TMEM53: variants seen among roughly 807,000 people sequenced by gnomAD.
TMEM53 encodes the protein novel DUF829 domain-containing protein.
In TMEM53, 14 loss-of-function variants were observed where a neutral mutation model predicts 21.4. The observed-to-expected ratio is 0.65, with a 90% CI of 0.43 to 1.02. The LOEUF (loss-of-function observed/expected upper bound fraction) is 1.02. Among genes scored for constraint, TMEM53 ranks in the 50% least tolerant of loss-of-function variants. The pLI, the probability that TMEM53 is intolerant of heterozygous loss-of-function variation, is 0.00. For synonymous variants in TMEM53, 148 were observed against 157.4 expected (o/e 0.94, Z 0.45); for missense variants, 323 against 383.6 (o/e 0.84, Z 1.32).
At position 44,660,065 on chromosome 1, in the gene TMEM53, C is replaced by T. The variant is rs370018886; in HGVS notation, c.183+109G>A. ...TAGAGACAGGGTTTGACCATGTTGG[C>T]CAGGCTGGTCTCGAACTCTAGAGGC... is the stretch of plus-strand genomic sequence containing the variant. On this transcript the variant is annotated intron_variant, in intron 2 of 2. Transcript: ENST00000372237. 6.6e-6 allele frequency: 9 copies of T among 1,371,006 alleles called. No individual in the cohort carries two copies. In the Admixed American group the frequency reaches 1.4e-4, roughly 22 times the overall value. 84.9% of individuals were successfully genotyped at this position (1,371,006 alleles called of 1,614,324 possible).
At position 44,667,312 on chromosome 1, in the gene TMEM53, G is replaced by GT. The variant is rs1557496603; in HGVS notation, c.61+7018dup. Among the ~76,000 whole-genome samples, 3 of 127,434 alleles carry GT rather than the reference G, an allele frequency of 2.4e-5. 1 individual carries two copies. Among genetic ancestry groups the GT allele is most frequent in the African/African-American group, 1.1e-4 (3 of 27,820 alleles). The allele number at this position is 127,434 out of a possible 152,430, so 83.6% of individuals were successfully genotyped here. A position where few individuals can be genotyped will look rare whatever the true frequency, so the allele number is the denominator to read the frequency against. On this transcript the variant is annotated intron_variant, in intron 1 of 2. Transcript: ENST00000372237. ...TACTACACAAACGCACACTTTTTTT[G>GT]TTGTTTTTTTTTTTTTTGACAGTCT...
chr1:44,662,858 G>A (rs565620338), intron 1 of TMEM53, among the ~76,000 whole-genome samples: 7 of 152,316 alleles, frequency 4.6e-5, no homozygotes, highest in African/African-American at 1.7e-4. Flanking sequence ...GGTTCAAACA[G>A]CTGCTGCTGG....
chr1:44,664,847 G>C lies in TMEM53; in HGVS notation c.62-4552C>G, dbSNP rs146986591. ...ACATAAGAGAAAACTAAAACACAGA[G>C]AGGGGAAGTCCCTTTCCCCCAAGAA... is the stretch of plus-strand genomic sequence containing the variant. On this transcript the variant is annotated intron_variant, in intron 1 of 2. Transcript: ENST00000372237. Among the ~76,000 whole-genome samples the C allele has an allele frequency of 5.3e-3, 800 of 152,170 alleles. 29 individuals are homozygous for C. The South Asian group carries it at 0.093, about 18-fold the overall frequency.
intron 1 of TMEM53, among the ~76,000 whole-genome samples, chr1:44,661,781 C>T (rs1346011713): frequency 6.6e-6 from 1 of 152,238 alleles, no homozygotes; most frequent in Non-Finnish European, 1.5e-5. Flanking sequence ...TCTGTGCTGC[C>T]ACCCCATCCA....
chr1:44,666,774 G>A (rs1644951976), intron 1 of TMEM53, among the ~76,000 whole-genome samples: 1 of 152,064 alleles, frequency 6.6e-6, no homozygotes, highest in Non-Finnish European at 1.5e-5. Context: ...TGATGAAAAT[G>A]TTTTGGAATT....
At chr1:44,672,959 C>T (rs974896123) in intron 1 of TMEM53, among the ~76,000 whole-genome samples, 2 of 152,188 alleles carry the variant, frequency 1.3e-5, no homozygotes, top group African/African-American at 4.8e-5. Context: ...GGTTCAATAG[C>T]TTGCCAAAGA....
At chr1:44,669,955 C>T (rs1644984658) in intron 1 of TMEM53, among the ~76,000 whole-genome samples, 1 of 151,886 alleles carries the variant, frequency 6.6e-6, no homozygotes, top group Admixed American at 6.6e-5. Flanking sequence ...TGCGCCACCA[C>T]ACCCGGCTAA....
In TMEM53 at chr1:44,654,470, T is replaced by G; in HGVS notation, c.*89A>C. The G allele has an allele frequency of 6.8e-7, 1 of 1,474,508 alleles. No homozygotes were observed. The highest frequency in any genetic ancestry group is 1.4e-5 in the African/African-American group (1 of 71,834). 91.3% of individuals were successfully genotyped at this position (1,474,508 alleles called of 1,614,324 possible). A position where few individuals can be genotyped will look rare whatever the true frequency, so the allele number is the denominator to read the frequency against. On this transcript the variant is annotated 3_prime_UTR_variant, in exon 3 of 3. Coordinates refer to ENST00000372237, the MANE Select transcript of TMEM53 (RefSeq NM_024587.4). The surrounding 1 kb of genome is among the most constrained non-coding windows in gnomAD (Gnocchi z 7.0). Reference sequence around the variant, plus strand: ...CAAAGTCCCAAAGGGCTACAGGGAGTTGAACGAGAAGAGTGCCCGACAGAT... The same window carrying G: ...CAAAGTCCCAAAGGGCTACAGGGAGGTGAACGAGAAGAGTGCCCGACAGAT...
chr1:44,654,987 G>A lies in TMEM53; in HGVS notation c.406C>T (p.Arg136Cys), dbSNP rs374208457. 15 of 1,613,802 alleles carry A rather than the reference G, an allele frequency of 9.3e-6. No individual in the cohort carries two copies. Among genetic ancestry groups the A allele is most frequent in the Middle Eastern group, 1.6e-4 (1 of 6,080 alleles). The change falls in exon 3 of 3, where the codon CGT (arginine) becomes TGT (cysteine). Residue 136 changes from arginine to cysteine, a missense_variant. Physicochemically the swap from Arg to Cys is radical, Grantham distance 180. Transcript: ENST00000372237. The surrounding 1 kb of genome is among the most constrained non-coding windows in gnomAD (Gnocchi z 7.0). The stretch of plus-strand genomic sequence containing the variant: ...CTGTCAAAGATGGTGCCCACCACAC[G>A]CAGGCGGCAGAAGCGACGGGTCTGC... Reference protein sequence around the residue: ...LLQTRRFCRLRVVGTIFDSAP... With the variant: ...LLQTRRFCRLCVVGTIFDSAP...
chr1:44,660,708 G>C (rs1015274134), intron 1 of TMEM53, among the ~76,000 whole-genome samples: 2 of 152,106 alleles, frequency 1.3e-5, no homozygotes, highest in African/African-American at 2.4e-5. Context: ...AAATCGGCTG[G>C]GCGCGGTGGC....
chr1:44,667,315 GT>G (rs5773848), intron 1 of TMEM53, among the ~76,000 whole-genome samples: 5,755 of 138,178 alleles, frequency 0.042, 222 homozygotes, highest in African/African-American at 0.088. Flanking sequence ...TTTTTTTGTT[GT>G]TTTTTTTTTT....
At chr1:44,674,016 C>A in intron 1 of TMEM53, 1 of 985,468 alleles carries the variant, frequency 1.0e-6, no homozygotes, top group Non-Finnish European at 1.2e-6. Flanking sequence ...ATCCAGCTTT[C>A]GGCAGCCTTC....
intron 1 of TMEM53, among the ~76,000 whole-genome samples, chr1:44,672,232 AAAC>A (rs2148539641): frequency 6.6e-6 from 1 of 152,346 alleles, no homozygotes; most frequent in East Asian, 1.9e-4. Flanking sequence ...TAAGGAGGAG[AAAC>A]AACTGAAAGC....
chr1:44,670,049 C>T (rs186787975), intron 1 of TMEM53, among the ~76,000 whole-genome samples: 1 of 151,700 alleles, frequency 6.6e-6, no homozygotes, highest in Non-Finnish European at 1.5e-5. Context: ...CCGCCAACCT[C>T]GGCCTCCCAA....
At chr1:44,662,916 T>G (rs1644914193) in intron 1 of TMEM53, among the ~76,000 whole-genome samples, 1 of 152,190 alleles carries the variant, frequency 6.6e-6, no homozygotes, top group African/African-American at 2.4e-5. Flanking sequence ...TAACTCCGTT[T>G]TGCTGGCAAC....
At chr1:44,659,486 GAGA>G (rs1644879633) in intron 2 of TMEM53, among the ~76,000 whole-genome samples, 1 of 152,244 alleles carries the variant, frequency 6.6e-6, no homozygotes, top group Admixed American at 6.5e-5. Flanking sequence ...TTGGTTGGAT[GAGA>G]AGAAGCGTGA....
intron 1 of TMEM53, among the ~76,000 whole-genome samples, chr1:44,666,832 T>C (rs1644952436): frequency 6.6e-6 from 1 of 151,952 alleles, no homozygotes; most frequent in African/African-American, 2.4e-5. Flanking sequence ...CAAAAGCCAG[T>C]GAATTGTACT....
At chr1:44,658,717 A>C (rs1644872044) in intron 2 of TMEM53, among the ~76,000 whole-genome samples, 2 of 152,038 alleles carry the variant, frequency 1.3e-5, no homozygotes, top group Non-Finnish European at 2.9e-5. Flanking sequence ...ATGCCTGGCT[A>C]ATTTTTGTAT....
chr1:44,655,432 C>A lies in TMEM53; in HGVS notation c.184-223G>T, dbSNP rs541378848. Among the ~76,000 whole-genome samples, 83 of 152,276 alleles carry A rather than the reference C, an allele frequency of 5.5e-4. No homozygotes were observed. The highest frequency in any genetic ancestry group is 1.0e-3 in the Non-Finnish European group (68 of 68,006). ...GGTATACTTAAGGCCCATTTTTGGA[C>A]TAATTGCTTCATGCTGGCCAAGCCC... is the stretch of plus-strand genomic sequence containing the variant. On this transcript the variant is annotated intron_variant, in intron 2 of 2. Coordinates refer to ENST00000372237, the MANE Select transcript of TMEM53 (RefSeq NM_024587.4). The surrounding 1 kb of genome is among the most constrained non-coding windows in gnomAD (Gnocchi z 4.4).
Sources: gnomAD v4.1 joint callset for allele counts (sites outside exome capture counted in the v4.1 genomes callset) on GRCh38, gnomAD v4.1.1 for gene constraint, Gnocchi (gnomAD v3.1) non-coding constraint, MANE v1.5 for transcripts, NCBI Gene and HGNC (gene_info 2026-07-23, HGNC 2026-07-21) for gene names.